Variants in FAF1 observed in about 807,000 individuals in gnomAD.
FAF1 encodes Fas associated factor 1, also known as FAS-associated factor 1.
Under a neutral mutation model 92.5 loss-of-function variants are expected in FAF1, and 25 were observed. The ratio of observed to expected loss-of-function variants is 0.27; its 90% CI spans 0.20 to 0.38. The LOEUF (loss-of-function observed/expected upper bound fraction) is 0.38, where lower values mean the gene tolerates loss of function less well. Ranked by LOEUF, FAF1 falls within the 10% of genes least tolerant of loss-of-function variation. FAF1 has a pLI of 1.00. For missense variants in FAF1, 636 were observed against 793.3 expected (o/e 0.80, Z 2.38); for synonymous variants, 234 against 273.2 (o/e 0.86, Z 1.42).
chr1:50,922,415 C>T (rs1461827576), intron 1 of FAF1, among the ~76,000 whole-genome samples: 33 of 133,750 alleles, frequency 2.5e-4, no homozygotes, highest in East Asian at 1.7e-3. Flanking sequence ...ACCAAGATCG[C>T]GCCATTGCAC....
chr1:50,492,990 T>G (rs932945785), intron 15 of FAF1, among the ~76,000 whole-genome samples: 10 of 151,956 alleles, frequency 6.6e-5, no homozygotes, highest in Non-Finnish European at 1.5e-4. Flanking sequence ...ATGTTAAACC[T>G]GATAATGTCT....
intron 7 of FAF1, among the ~76,000 whole-genome samples, chr1:50,665,664 TGTA>T (rs1655584536): frequency 6.6e-6 from 1 of 152,172 alleles, no homozygotes; most frequent in African/African-American, 2.4e-5. Flanking sequence ...GTTGAGTACA[TGTA>T]ACAGAGACTG....
chr1:50,799,735 G>C (rs1333290859), intron 3 of FAF1, among the ~76,000 whole-genome samples: 1 of 152,124 alleles, frequency 6.6e-6, no homozygotes, highest in Non-Finnish European at 1.5e-5. Flanking sequence ...CAATTTAACA[G>C]TCAGATGTAT....
At chr1:50,521,701 T>A (rs1311063129) in intron 15 of FAF1, among the ~76,000 whole-genome samples, 1 of 152,224 alleles carries the variant, frequency 6.6e-6, no homozygotes, top group Non-Finnish European at 1.5e-5. Context: ...TATTTAACAA[T>A]GAATGCTTTT....
chr1:50,609,674 G>A (rs1345353382), intron 8 of FAF1, among the ~76,000 whole-genome samples: 4 of 152,014 alleles, frequency 2.6e-5, no homozygotes, highest in East Asian at 1.9e-4. Flanking sequence ...GAGCTACTGC[G>A]CCTGAAGATT....
intron 8 of FAF1, among the ~76,000 whole-genome samples, chr1:50,615,306 T>C (rs1652862359): frequency 1.3e-5 from 2 of 152,232 alleles, no homozygotes; most frequent in Admixed American, 1.3e-4. Flanking sequence ...CCTAGGTTGA[T>C]TCCATGTCTT....
At chr1:50,948,056 A>C (rs919452005) in intron 1 of FAF1, among the ~76,000 whole-genome samples, 2 of 152,212 alleles carry the variant, frequency 1.3e-5, no homozygotes, top group African/African-American at 4.8e-5. Flanking sequence ...AAGACTCAAA[A>C]GAAGAGAGAT....
intron 6 of FAF1, among the ~76,000 whole-genome samples, chr1:50,713,931 C>T (rs1426288527): frequency 6.6e-6 from 1 of 151,432 alleles, no homozygotes; most frequent in Admixed American, 6.6e-5. Flanking sequence ...CCACCATGCC[C>T]AGCTAATTTT....
intron 8 of FAF1, among the ~76,000 whole-genome samples, chr1:50,617,169 G>C (rs1326590329): frequency 6.6e-6 from 1 of 152,118 alleles, no homozygotes. Flanking sequence ...AGGACTTTCA[G>C]TACTATGTTA....
At chr1:50,778,533 C>A (rs979471882) in intron 4 of FAF1, among the ~76,000 whole-genome samples, 4 of 152,014 alleles carry the variant, frequency 2.6e-5, no homozygotes, top group Non-Finnish European at 4.4e-5. Context: ...ATCTTTGGTA[C>A]ATTATGTGCA....
At chr1:50,856,533 A>G (rs79948214) in intron 2 of FAF1, among the ~76,000 whole-genome samples, 2,029 of 151,906 alleles carry the variant, frequency 0.013, 19 homozygotes, top group Middle Eastern at 0.02. Flanking sequence ...AAAACACAAA[A>G]AAGATAAGGA....
intron 7 of FAF1, among the ~76,000 whole-genome samples, chr1:50,676,398 ACT>A (rs1398002309): frequency 1.3e-5 from 2 of 150,238 alleles, no homozygotes; most frequent in African/African-American, 4.9e-5. Flanking sequence ...CAAGAGTGAA[ACT>A]CTGTCTTAAA....
chr1:50,474,468 G>C (rs187994300), intron 18 of FAF1, among the ~76,000 whole-genome samples: 244 of 152,084 alleles, frequency 1.6e-3, no homozygotes, highest in African/African-American at 5.5e-3. Context: ...GGTTACATGA[G>C]TAAGTTCTTT....
At chr1:50,539,222 G>A (rs1004171656) in intron 14 of FAF1, among the ~76,000 whole-genome samples, 1 of 152,228 alleles carries the variant, frequency 6.6e-6, no homozygotes, top group African/African-American at 2.4e-5. Flanking sequence ...GGATTTTCTA[G>A]ATAACTAAAG....
intron 18 of FAF1, among the ~76,000 whole-genome samples, chr1:50,450,941 G>C (rs1418145109): frequency 6.6e-6 from 1 of 152,204 alleles, no homozygotes; most frequent in Non-Finnish European, 1.5e-5. Context: ...GTCCCACTAT[G>C]AGACTACTCT....
At chr1:50,453,467 A>G (rs556169209) in intron 18 of FAF1, among the ~76,000 whole-genome samples, 1 of 152,332 alleles carries the variant, frequency 6.6e-6, no homozygotes, top group East Asian at 1.9e-4. Flanking sequence ...TACTTATCCA[A>G]TTACCAAAAC....
At chr1:50,913,039 A>AT (rs1341429823) in intron 1 of FAF1, among the ~76,000 whole-genome samples, 2 of 152,172 alleles carry the variant, frequency 1.3e-5, no homozygotes, top group African/African-American at 4.8e-5. Flanking sequence ...TTGGTGCTGC[A>AT]TTTTTTAAAG....
chr1:50,592,845 C>T (rs144362412), intron 9 of FAF1, among the ~76,000 whole-genome samples: 2 of 150,890 alleles, frequency 1.3e-5, no homozygotes, highest in African/African-American at 4.9e-5. Context: ...GGCTAAGGCA[C>T]GAGAATTGCT....
chr1:50,897,725 AT>A (rs1268509591), intron 1 of FAF1, among the ~76,000 whole-genome samples: 7 of 152,206 alleles, frequency 4.6e-5, no homozygotes, highest in Admixed American at 2.0e-4. Context: ...ATTCAACTCT[AT>A]AGTCCCTCCT....
Sources: gnomAD v4.1 joint callset for allele counts (sites outside exome capture counted in the v4.1 genomes callset) on GRCh38, gnomAD v4.1.1 for gene constraint, MANE v1.5 for transcripts, NCBI Gene and HGNC (gene_info 2026-07-23, HGNC 2026-07-21) for gene names.